Variants in IGSF21 observed in about 807,000 individuals in gnomAD.
The protein encoded by IGSF21 is immunoglobin superfamily member 21, also known as immunoglobulin superfamily member 21.
In IGSF21, 28 loss-of-function variants were observed where a neutral mutation model predicts 46.8. The ratio of observed to expected loss-of-function variants is 0.60; its 90% confidence interval spans 0.44 to 0.82. IGSF21 has a LOEUF of 0.82. Among genes scored for constraint, IGSF21 ranks in the 40% least tolerant of loss-of-function variants. The pLI, the probability that IGSF21 is intolerant of heterozygous loss-of-function variation, is 0.00. For synonymous variants in IGSF21, 284 were observed against 273.6 expected (o/e 1.04, Z -0.38); for missense variants, 624 against 665.5 (o/e 0.94, Z 0.69).
chr1:18,162,285 C>A (rs2086634324), intron 1 of IGSF21, among the ~76,000 whole-genome samples: 1 of 152,200 alleles, frequency 6.6e-6, no homozygotes. Context: ...TGAGCTCCAG[C>A]AATCTGCCTG....
At chr1:18,221,792 C>T (rs533956488) in intron 1 of IGSF21, among the ~76,000 whole-genome samples, 19 of 152,196 alleles carry the variant, frequency 1.2e-4, no homozygotes, top group Admixed American at 3.3e-4. Context: ...GACAGAGCTC[C>T]GTCTTCAGCT....
At chr1:18,281,683 T>A (rs1211641045) in intron 2 of IGSF21, among the ~76,000 whole-genome samples, 1 of 151,872 alleles carries the variant, frequency 6.6e-6, no homozygotes, top group Non-Finnish European at 1.5e-5. Flanking sequence ...TTTGTTAAAC[T>A]GGGAAAGAGC....
chr1:18,268,660 A>G (rs553891400), intron 2 of IGSF21, among the ~76,000 whole-genome samples: 17 of 152,298 alleles, frequency 1.1e-4, no homozygotes, highest in African/African-American at 3.6e-4. Context: ...GAGTGGGGGA[A>G]GTTATTTGTC....
At chr1:18,157,203 C>T (rs11260938) in intron 1 of IGSF21, among the ~76,000 whole-genome samples, 1 of 152,118 alleles carries the variant, frequency 6.6e-6, no homozygotes, top group Non-Finnish European at 1.5e-5. Context: ...CTGTGTTGCT[C>T]AGTCCAGGGC....
chr1:18,145,289 G>A (rs2086455494), intron 1 of IGSF21, among the ~76,000 whole-genome samples: 1 of 152,088 alleles, frequency 6.6e-6, no homozygotes, highest in South Asian at 2.1e-4. Context: ...GTGGGTATCT[G>A]AAAGCTGCCC....
chr1:18,323,589 T>C (rs1165482067), intron 3 of IGSF21, among the ~76,000 whole-genome samples: 2 of 152,202 alleles, frequency 1.3e-5, no homozygotes, highest in East Asian at 1.9e-4. Flanking sequence ...AAGAGACGTC[T>C]ATGGCAGGGG....
chr1:18,359,478 AG>A (rs2086076074), intron 4 of IGSF21, among the ~76,000 whole-genome samples: 10 of 86,960 alleles, frequency 1.1e-4, no homozygotes, highest in Admixed American at 6.8e-4. Context: ...GAAGGAAGGA[AG>A]GAAGGAAGGA....
intron 1 of IGSF21, among the ~76,000 whole-genome samples, chr1:18,225,659 C>T (rs1306196857): frequency 2.0e-5 from 3 of 152,038 alleles, no homozygotes; most frequent in Non-Finnish European, 2.9e-5. Flanking sequence ...GAGAGAGAGC[C>T]CAGGGGAGGG....
At chr1:18,315,309 T>A (rs1294368827) in intron 3 of IGSF21, among the ~76,000 whole-genome samples, 1 of 152,186 alleles carries the variant, frequency 6.6e-6, no homozygotes, top group African/African-American at 2.4e-5. Flanking sequence ...CCTGGTCAGA[T>A]CTTTCTGTTC....
chr1:18,200,501 G>T (rs1319178992), intron 1 of IGSF21, among the ~76,000 whole-genome samples: 1 of 152,104 alleles, frequency 6.6e-6, no homozygotes, highest in Admixed American at 6.5e-5. Context: ...GCAATTCTTG[G>T]TGTTTGGTGT....
At chr1:18,296,570 C>G (rs1379585006) in intron 3 of IGSF21, among the ~76,000 whole-genome samples, 1 of 152,214 alleles carries the variant, frequency 6.6e-6, no homozygotes, top group Non-Finnish European at 1.5e-5. Flanking sequence ...GAGGGAACCT[C>G]TCACGTGAAG....
At chr1:18,267,998 C>T (rs571062097) in intron 2 of IGSF21, among the ~76,000 whole-genome samples, 61 of 152,308 alleles carry the variant, frequency 4.0e-4, no homozygotes, top group Middle Eastern at 3.4e-3. Flanking sequence ...CTATCTAGAA[C>T]GAGAACACCA....
At chr1:18,213,525 G>A (rs775692460) in intron 1 of IGSF21, among the ~76,000 whole-genome samples, 39 of 152,264 alleles carry the variant, frequency 2.6e-4, no homozygotes, top group South Asian at 1.0e-3. Context: ...AGCATGGGAG[G>A]TTTCTAGGGG....
intron 6 of IGSF21, among the ~76,000 whole-genome samples, chr1:18,374,274 G>A (rs886918937): frequency 3.3e-5 from 5 of 152,168 alleles, no homozygotes; most frequent in African/African-American, 9.7e-5. Flanking sequence ...TCCTTATGGC[G>A]ACAATCTCAA....
chr1:18,342,689 G>A (rs1487458279), intron 4 of IGSF21, among the ~76,000 whole-genome samples: 1 of 152,190 alleles, frequency 6.6e-6, no homozygotes, highest in Non-Finnish European at 1.5e-5. Flanking sequence ...TATACAATAT[G>A]TGGTCTTTTG....
chr1:18,171,391 C>T (rs1353016711), intron 1 of IGSF21, among the ~76,000 whole-genome samples: 2 of 152,136 alleles, frequency 1.3e-5, no homozygotes, highest in Non-Finnish European at 2.9e-5. Context: ...GCTCCCCTCT[C>T]TGCTCTGGAA....
chr1:18,287,937 A>T (rs1419145938), intron 2 of IGSF21, among the ~76,000 whole-genome samples: 1 of 152,198 alleles, frequency 6.6e-6, no homozygotes, highest in Non-Finnish European at 1.5e-5. Context: ...ATAGACAGAA[A>T]GAGCCCTGGA....
chr1:18,278,526 G>GTTTTT (rs200294798), intron 2 of IGSF21, among the ~76,000 whole-genome samples: 1 of 132,818 alleles, frequency 7.5e-6, no homozygotes. Context: ...CAGGTGTAAG[G>GTTTTT]TTTTTTTTGT....
chr1:18,295,153 G>T (rs2085300871), intron 3 of IGSF21, among the ~76,000 whole-genome samples: 1 of 152,154 alleles, frequency 6.6e-6, no homozygotes, highest in South Asian at 2.1e-4. Context: ...GGATCATCAG[G>T]ACTTCTGCCC....
Sources: gnomAD v4.1 joint callset for allele counts (sites outside exome capture counted in the v4.1 genomes callset) on GRCh38, gnomAD v4.1.1 for gene constraint, MANE v1.5 for transcripts, NCBI Gene and HGNC (gene_info 2026-07-23, HGNC 2026-07-21) for gene names.